Variants in PIWIL1 observed in about 807,000 individuals in gnomAD.
PIWIL1 encodes piwi like RNA-mediated gene silencing 1.
In PIWIL1, 73 loss-of-function variants were observed where a neutral mutation model predicts 114.4. That is an observed-to-expected ratio of 0.64 (90% CI 0.53 to 0.78). The LOEUF is 0.78. Ranked by LOEUF, PIWIL1 falls within the 30% of genes least tolerant of loss-of-function variation. The probability of loss-of-function intolerance (pLI) is 0.00; values close to 1 mark genes in which losing one functional copy is unlikely to be tolerated. For synonymous variants in PIWIL1, 375 were observed against 369.0 expected (o/e 1.02, Z -0.19); for missense variants, 723 against 1,063.1 (o/e 0.68, Z 4.45).
chr12:130,393,954 C>A, the PIWIL1 span, among the ~76,000 whole-genome samples: 1 of 152,160 alleles, frequency 6.6e-6, no homozygotes, highest in African/African-American at 2.4e-5. Context: ...TTTATTTCTT[C>A]AGCTAGTGAA....
At chr12:130,369,194 A>T (rs1360150550) in intron 19 of PIWIL1, among the ~76,000 whole-genome samples, 1 of 152,176 alleles carries the variant, frequency 6.6e-6, no homozygotes, top group Non-Finnish European at 1.5e-5. Context: ...AACGGCTTCC[A>T]GCTTCATCCA....
chr12:130,395,121 T>C, the PIWIL1 span, among the ~76,000 whole-genome samples: 9 of 152,300 alleles, frequency 5.9e-5, no homozygotes, highest in Admixed American at 5.2e-4. Flanking sequence ...GTTGGAGCCA[T>C]TTAACTGCAA....
At chr12:130,351,711 T>G (rs1469225082) in intron 9 of PIWIL1, 1 of 152,272 alleles carries the variant, frequency 6.6e-6, no homozygotes, top group African/African-American at 2.4e-5. Flanking sequence ...CTCCTAGTAC[T>G]CTTTTGTCCG....
At chr12:130,407,351 A>G in the PIWIL1 span, among the ~76,000 whole-genome samples, 1,164 of 152,220 alleles carry the variant, frequency 7.6e-3, 12 homozygotes, top group Non-Finnish European at 0.011. Flanking sequence ...CTACTGTTCT[A>G]TGTGTGGGGC....
intron 10 of PIWIL1, 84 bp downstream of exon 10, chr12:130,354,747 C>T: frequency 8.7e-6 from 13 of 1,492,128 alleles, no homozygotes; most frequent in Admixed American, 2.2e-5. Context: ...TCCTTTACTT[C>T]CCCTTCCCTC....
rs1304382032 is a variant in PIWIL1 at position 130,371,240 on chromosome 12, G to A, written c.2386G>A (p.Val796Ile). 4.3e-6 allele frequency: 7 copies of A among 1,614,222 alleles called. No individual in the cohort carries two copies. The highest frequency in any genetic ancestry group is 3.3e-5 in the Admixed American group (2 of 60,028). Reference protein sequence around the residue: ...SGSVSPTHYNVIYDNSGLKPD... With the variant: ...SGSVSPTHYNIIYDNSGLKPD... The stretch of plus-strand genomic sequence containing the variant: ...TAGTGTTTCTCCCACACATTACAAT[G>A]TCATCTATGACAACAGCGGCCTGAA... Residue 796 changes from valine to isoleucine, a missense_variant, in exon 20 of 21, where the codon GTC (valine) becomes ATC (isoleucine). By Grantham distance (29) the Val-to-Ile change is conservative. Transcript: ENST00000245255.
chr12:130,349,153 G>A (rs1593093814), intron 7 of PIWIL1, 86 bp from the exon 8 acceptor site: 1 of 882,242 alleles, frequency 1.1e-6, no homozygotes, highest in Non-Finnish European at 1.8e-6. Context: ...TTTAGACCCA[G>A]TTAATAAAAG....
chr12:130,414,894 A>T, the PIWIL1 span, among the ~76,000 whole-genome samples: 1 of 152,244 alleles, frequency 6.6e-6, no homozygotes. Flanking sequence ...ACAACCTCCC[A>T]GGATTGAATC....
At chr12:130,354,514 C>T (rs1311727449) in intron 9 of PIWIL1, 23 bp from the exon 10 acceptor site, 16 of 1,613,784 alleles carry the variant, frequency 9.9e-6, no homozygotes, top group South Asian at 4.4e-5. Context: ...CCGTGAACAG[C>T]GACCCTTTCG....
the PIWIL1 span, among the ~76,000 whole-genome samples, chr12:130,402,773 C>G: frequency 6.6e-6 from 1 of 152,154 alleles, no homozygotes; most frequent in Non-Finnish European, 1.5e-5. Context: ...GTGAGACATC[C>G]ACTCGTGTTT....
Position 130,371,630 on chromosome 12 carries a change from T to C in PIWIL1, c.*32T>C. 7.5e-7 allele frequency: 1 copy of C among 1,335,544 alleles called. No homozygotes were observed. The highest frequency in any genetic ancestry group is 1.1e-6 in the Non-Finnish European group (1 of 949,552). 82.7% of individuals were successfully genotyped at this position (1,335,544 alleles called of 1,614,324 possible). On this transcript the variant is annotated 3_prime_UTR_variant, in exon 21 of 21. Coordinates refer to ENST00000245255, the MANE Select transcript of PIWIL1 (RefSeq NM_004764.5). ...GAAGACGATGCAGCCGCTTTTCTTT[T>C]TGAAATGACTTTGGGATTTTTTTAA...
downstream of PIWIL1, among the ~76,000 whole-genome samples, chr12:130,377,634 C>G (rs574172539): frequency 1.3e-5 from 2 of 152,348 alleles, no homozygotes; most frequent in Non-Finnish European, 2.9e-5. Flanking sequence ...TCATGGGTGC[C>G]TGGAGGAGTA....
In PIWIL1 at chr12:130,356,942, G is replaced by T; in HGVS notation, c.1429G>T (p.Asp477Tyr). ...KTFDYNPQFA[D>Y]WSKETRGAPL... ...GTTTGATTACAATCCACAATTTGCA[G>T]ATTGGTCCAAAGAAACAAGAGGTGC... is the stretch of plus-strand genomic sequence containing the variant. The change falls in exon 13 of 21, where the codon GAT (aspartate) becomes TAT (tyrosine). Residue 477 changes from aspartate to tyrosine, a missense_variant. Physicochemically the swap from Asp to Tyr is radical, Grantham distance 160. This residue lies in a region of PIWIL1 where 298 missense variants were observed against 420.8 expected (regional missense o/e 0.71). Transcript: ENST00000245255. 2 of 1,610,030 alleles carry T rather than the reference G, an allele frequency of 1.2e-6. No individual in the cohort carries two copies. The highest frequency in any genetic ancestry group is 1.7e-6 in the Non-Finnish European group (2 of 1,177,604).
In PIWIL1 at chr12:130,348,086, G is replaced by A. The variant is rs2073117002; in HGVS notation, c.654-17G>A. The A allele has an allele frequency of 6.5e-7, 1 of 1,533,254 alleles. No individual in the cohort carries two copies. The highest frequency in any genetic ancestry group is 2.2e-5 in the East Asian group (1 of 44,456). The allele number at this position is 1,533,254 out of a possible 1,614,324, so 95.0% of individuals were successfully genotyped here. ...AGATACTTATCAATATTCACTCTCT[G>A]ACCTTTCCATTTCTAGGCTTTTGAA... On this transcript the variant is annotated splice_polypyrimidine_tract_variant and intron_variant, in intron 6 of 20. Transcript: ENST00000245255.
chr12:130,381,754 T>G, the PIWIL1 span, among the ~76,000 whole-genome samples: 1 of 152,244 alleles, frequency 6.6e-6, no homozygotes. Flanking sequence ...TGGCGTACCA[T>G]TTTGCATTCC....
rs1431730162 is a variant in PIWIL1 at position 130,346,429 on chromosome 12, C to T, written c.376C>T (p.Gln126Ter). Residue 126 changes from glutamine (Q) to a stop codon, truncating the protein, a stop_gained, in exon 5 of 21, where the codon CAG (glutamine) becomes TAG (stop). Transcript: ENST00000245255. LOFTEE classifies it high-confidence loss of function. ...CCATTTCCGGCTGACATCCCGTCCC[C>T]AGTGGGCCTTATATCAGTATCACAT... Reference protein sequence around the residue: ...TNHFRLTSRPQWALYQYHIDY... With the variant: ...TNHFRLTSRP 1 of 1,614,012 alleles carries T rather than the reference C, an allele frequency of 6.2e-7. No homozygotes were observed. The highest frequency in any genetic ancestry group is 8.5e-7 in the Non-Finnish European group (1 of 1,179,990).
downstream of PIWIL1, among the ~76,000 whole-genome samples, chr12:130,377,263 G>A (rs2073874059): frequency 6.6e-6 from 1 of 152,190 alleles, no homozygotes; most frequent in African/African-American, 2.4e-5. Flanking sequence ...GAACGGATAG[G>A]TGAATAACTA....
At chr12:130,376,306 T>G (rs1489759491), downstream of PIWIL1, among the ~76,000 whole-genome samples, 2 of 152,272 alleles carry the variant, frequency 1.3e-5, no homozygotes, top group African/African-American at 4.8e-5. Context: ...TCTAAAAATA[T>G]GCGTGCCCAT....
chr12:130,351,626 CT>C (rs2073213523), intron 9 of PIWIL1: 1 of 152,192 alleles, frequency 6.6e-6, no homozygotes, highest in African/African-American at 2.4e-5. Flanking sequence ...TACCCCATGC[CT>C]AAGTAGGTTC....
Sources: gnomAD v4.1 joint callset for allele counts (sites outside exome capture counted in the v4.1 genomes callset) on GRCh38, gnomAD v4.1.1 for gene constraint, gnomAD v4.1.1 regional missense constraint, MANE v1.5 for transcripts, NCBI Gene and HGNC (gene_info 2026-07-23, HGNC 2026-07-21) for gene names.